RBMS3: variants seen among roughly 807,000 people sequenced by gnomAD.
RBMS3 encodes RNA-binding motif, single-stranded-interacting protein 3.
RBMS3 carries 27 observed loss-of-function variants against 66.8 expected under a neutral mutation model. That is an observed-to-expected ratio of 0.40 (90% CI 0.30 to 0.56). The LOEUF (loss-of-function observed/expected upper bound fraction) is 0.56, where lower values mean the gene tolerates loss of function less well. Among genes scored for constraint, RBMS3 ranks in the 20% least tolerant of loss-of-function variants. The pLI is 0.40. For missense variants in RBMS3, 513 were observed against 549.5 expected (o/e 0.93, Z 0.66); for synonymous variants, 188 against 183.0 (o/e 1.03, Z -0.22).
intron 4 of RBMS3, among the ~76,000 whole-genome samples, chr3:29,617,950 G>A (rs889430056): frequency 1.3e-5 from 2 of 152,212 alleles, no homozygotes; most frequent in South Asian, 2.1e-4. Flanking sequence ...ATGTGTGTGT[G>A]TATATATATT....
chr3:29,327,566 G>A (rs539238459), intron 1 of RBMS3, among the ~76,000 whole-genome samples: 54 of 152,090 alleles, frequency 3.6e-4, no homozygotes, highest in African/African-American at 1.3e-3. Context: ...AAATATAATA[G>A]CTTAATAGCC....
intron 7 of RBMS3, among the ~76,000 whole-genome samples, chr3:29,870,911 A>G (rs879241426): frequency 6.6e-6 from 1 of 152,092 alleles, no homozygotes; most frequent in South Asian, 2.1e-4. Context: ...ATGCTTATCA[A>G]ATTTTTTGGT....
rs369520626 is a variant in RBMS3, at chr3:29,925,859, A to T, written c.940-10227A>T. Among the ~76,000 whole-genome samples the T allele has an allele frequency of 2.6e-5, 4 of 152,328 alleles. No individual in the cohort carries two copies. In the East Asian group the frequency reaches 5.8e-4, roughly 22 times the overall value. On this transcript the variant is annotated intron_variant, in intron 10 of 14. Coordinates refer to ENST00000383767, the MANE Select transcript of RBMS3 (RefSeq NM_001003793.3). ...GTAGAGTTTAAGAACATTCTATTAA[A>T]CTAAAAAAAATGTTAAAATTAATCA...
chr3:29,923,000 C>A (rs1391476889), intron 10 of RBMS3, among the ~76,000 whole-genome samples: 2 of 152,190 alleles, frequency 1.3e-5, no homozygotes, highest in African/African-American at 4.8e-5. Flanking sequence ...ATGTTTTCAC[C>A]TGAATCATGC....
rs1055728557 is a variant in RBMS3, at chr3:29,787,171, T to TA, written c.637+24193dup. 2.7e-3 allele frequency among the ~76,000 whole-genome samples: 384 copies of TA among 141,566 alleles called. 1 individual carries two copies. The highest frequency in any genetic ancestry group is 4.4e-3 in the Admixed American group (63 of 14,222). The allele number at this position is 141,566 out of a possible 152,430, so 92.9% of individuals were successfully genotyped here. A position where few individuals can be genotyped will look rare whatever the true frequency, so the allele number is the denominator to read the frequency against. On this transcript the variant is annotated intron_variant, in intron 6 of 14. Coordinates refer to ENST00000383767, the MANE Select transcript of RBMS3 (RefSeq NM_001003793.3). ...ACAAGAATGGCCATAATCAAAAACA[T>TA]AAAAAAAAAAATAGATGTTGGTGTG...
intron 1 of RBMS3, among the ~76,000 whole-genome samples, chr3:29,363,814 A>ACC (rs2037746633): frequency 4.0e-5 from 6 of 151,616 alleles, no homozygotes; most frequent in Non-Finnish European, 7.4e-5. Context: ...AAAAAAAAAA[A>ACC]ACCTGTTTTT....
At chr3:29,716,209 T>G (rs529399884) in intron 4 of RBMS3, among the ~76,000 whole-genome samples, 1 of 152,262 alleles carries the variant, frequency 6.6e-6, no homozygotes, top group South Asian at 2.1e-4. Flanking sequence ...GATCTAATAA[T>G]TCTACTGCTA....
At chr3:29,667,971 G>A (rs376387036) in intron 4 of RBMS3, among the ~76,000 whole-genome samples, 2 of 152,100 alleles carry the variant, frequency 1.3e-5, no homozygotes, top group Non-Finnish European at 2.9e-5. Flanking sequence ...GATAGGAGAT[G>A]TTCACCAAGA....
chr3:29,767,796 T>A (rs79767352), intron 6 of RBMS3, among the ~76,000 whole-genome samples: 1 of 151,994 alleles, frequency 6.6e-6, no homozygotes, highest in Admixed American at 6.6e-5. Context: ...ATTTATCTTA[T>A]GTGATTCAAA....
chr3:29,341,664 G>T (rs2036290101), intron 1 of RBMS3, among the ~76,000 whole-genome samples: 1 of 152,078 alleles, frequency 6.6e-6, no homozygotes, highest in Non-Finnish European at 1.5e-5. Context: ...CTGTGGTCTT[G>T]TCCCTAGACC....
At chr3:29,814,825 A>G (rs764735896) in intron 6 of RBMS3, among the ~76,000 whole-genome samples, 26 of 152,346 alleles carry the variant, frequency 1.7e-4, no homozygotes, top group South Asian at 6.2e-4. Context: ...TCCATCTTTT[A>G]TGGACCACTT....
intron 2 of RBMS3, among the ~76,000 whole-genome samples, chr3:29,482,927 C>G (rs1021190058): frequency 2.6e-5 from 4 of 151,374 alleles, no homozygotes; most frequent in African/African-American, 4.9e-5. Context: ...AGGCTGGTCT[C>G]GAACTCCTAA....
At chr3:29,947,009 T>TGTGGGTTTGAG (rs1441298141) in intron 12 of RBMS3, among the ~76,000 whole-genome samples, 7 of 151,556 alleles carry the variant, frequency 4.6e-5, no homozygotes, top group Non-Finnish European at 1.0e-4. Flanking sequence ...AGTGGCAAAC[T>TGTGGGTTTGAG]GTGGGTTTAA....
At chr3:29,992,471 C>T (rs1698949805) in intron 14 of RBMS3, among the ~76,000 whole-genome samples, 2 of 152,018 alleles carry the variant, frequency 1.3e-5, no homozygotes, top group African/African-American at 4.8e-5. Context: ...CCTGTAGTCC[C>T]ACCTACTCTG....
At chr3:29,576,345 C>T (rs1466685771) in intron 3 of RBMS3, among the ~76,000 whole-genome samples, 1 of 152,168 alleles carries the variant, frequency 6.6e-6, no homozygotes, top group African/African-American at 2.4e-5. Flanking sequence ...CGCTGAGTCA[C>T]CTGAAACTGG....
intron 6 of RBMS3, among the ~76,000 whole-genome samples, chr3:29,817,169 G>T (rs1286833051): frequency 6.8e-6 from 1 of 147,096 alleles, no homozygotes; most frequent in Non-Finnish European, 1.5e-5. Context: ...ATTAAAATGG[G>T]TTGCATTTCC....
chr3:29,894,246 G>T (rs895200105), intron 8 of RBMS3, among the ~76,000 whole-genome samples: 2 of 151,354 alleles, frequency 1.3e-5, no homozygotes, highest in Non-Finnish European at 3.0e-5. Flanking sequence ...TTTGAGAAAA[G>T]GTCTCACTCT....
intron 12 of RBMS3, among the ~76,000 whole-genome samples, chr3:29,982,938 C>G (rs1021272423): frequency 6.6e-6 from 1 of 152,158 alleles, no homozygotes; most frequent in Non-Finnish European, 1.5e-5. Context: ...TGGTCCAGAG[C>G]TGAGTTCAAG....
At chr3:29,564,501 A>T (rs1333954619) in intron 3 of RBMS3, among the ~76,000 whole-genome samples, 3 of 151,898 alleles carry the variant, frequency 2.0e-5, no homozygotes, top group Admixed American at 6.6e-5. Context: ...AAAAAAAAAA[A>T]AATTTAGTTC....
Sources: gnomAD v4.1 joint callset for allele counts (sites outside exome capture counted in the v4.1 genomes callset) on GRCh38, gnomAD v4.1.1 for gene constraint, MANE v1.5 for transcripts, NCBI Gene and HGNC (gene_info 2026-07-23, HGNC 2026-07-21) for gene names.